Variants in OPA3 observed in about 807,000 individuals in gnomAD.
OPA3 encodes the protein optic atrophy 3 protein.
Under a neutral mutation model 4.0 loss-of-function variants are expected in OPA3, and 6 were observed. That is an observed-to-expected ratio of 1.51 (90% CI 0.83 to 2.99). The LOEUF is 2.99. Ranked by LOEUF, OPA3 falls within the 30% of genes most tolerant of loss-of-function variation. OPA3 has a pLI of 0.00. For synonymous variants in OPA3, 105 were observed against 117.1 expected (o/e 0.90, Z 0.67); for missense variants, 235 against 256.2 (o/e 0.92, Z 0.56).
chr19:45,555,594 C>T (rs1024680067), intron 1 of OPA3, among the ~76,000 whole-genome samples: 2 of 151,982 alleles, frequency 1.3e-5, no homozygotes, highest in Non-Finnish European at 2.9e-5. Flanking sequence ...GGGTTCACAC[C>T]ATTGTCCTGC....
chr19:45,559,393 CTTTCTT>C lies in OPA3; in HGVS notation c.143-5488_143-5483del, dbSNP rs1184421339. The stretch of plus-strand genomic sequence containing the variant: ...TTCTCTCTCTTCTTTCCCTCTTTTT[CTTTCTT>C]TTTTTTTTTTTTTTTTTTTTGAGAT... On this transcript the variant is annotated intron_variant, in intron 1 of 1. Transcript: ENST00000263275. Among the ~76,000 whole-genome samples the C allele has an allele frequency of 1.3e-3, 127 of 97,808 alleles. 1 individual carries two copies. Among genetic ancestry groups the C allele is most frequent in the African/African-American group, 4.9e-3 (117 of 24,084 alleles). 64.2% of individuals were successfully genotyped at this position (97,808 alleles called of 152,430 possible).
exon 2 of OPA3, chr19:45,528,349 GGAA>G (rs975364077): frequency 6.6e-6 from 1 of 152,480 alleles, no homozygotes; most frequent in African/African-American, 2.4e-5. Flanking sequence ...CGCCATAGGT[GGAA>G]GAAGAGGGGG....
At chr19:45,545,722 T>C (rs968357610), downstream of OPA3, among the ~76,000 whole-genome samples, 5 of 147,432 alleles carry the variant, frequency 3.4e-5, no homozygotes, top group Non-Finnish European at 7.5e-5. Flanking sequence ...TTTTTTTTTT[T>C]TTTTTTTTGA....
chr19:45,567,602 C>G (rs1332829357), intron 1 of OPA3, among the ~76,000 whole-genome samples: 1 of 151,894 alleles, frequency 6.6e-6, no homozygotes, highest in Non-Finnish European at 1.5e-5. Context: ...ATGCATGTAC[C>G]AATACTCATT....
intron 1 of OPA3, among the ~76,000 whole-genome samples, chr19:45,573,569 G>C (rs1969720426): frequency 1.3e-5 from 2 of 152,124 alleles, no homozygotes; most frequent in African/African-American, 4.8e-5. Context: ...CCAATTACAA[G>C]CATAAAACTG....
At chr19:45,570,579 T>C (rs1278856209) in intron 1 of OPA3, among the ~76,000 whole-genome samples, 1 of 151,970 alleles carries the variant, frequency 6.6e-6, no homozygotes, top group Non-Finnish European at 1.5e-5. Flanking sequence ...CCCAGCTACT[T>C]GGGAGGCTGA....
intron 1 of OPA3, among the ~76,000 whole-genome samples, chr19:45,572,699 T>C (rs1412981031): frequency 7.2e-6 from 1 of 139,620 alleles, no homozygotes; most frequent in Non-Finnish European, 1.5e-5. Context: ...TCATACTATA[T>C]ATATGATATA....
rs777706172 is a variant in OPA3, at chr19:45,529,209, C to T, written c.390G>A (p.Gly130=). The T allele has an allele frequency of 8.1e-6, 13 of 1,612,146 alleles. No homozygotes were observed. The South Asian group carries it at 1.2e-4, about 15-fold the overall frequency. ...GCGCCTGCAACTCCTCGAGCGCCAG[C>T]CCCAAGTGGCCCACCTCGCCCCGCA... is the stretch of plus-strand genomic sequence containing the variant. The change falls in exon 2 of 2, where the codon GGG becomes GGA. Residue 130 remains glycine, a synonymous_variant. Coordinates refer to the OPA3 transcript ENST00000323060.
At chr19:45,575,227 T>C (rs10410208) in intron 1 of OPA3, among the ~76,000 whole-genome samples, 126,471 of 151,950 alleles carry the variant, frequency 0.83, 52,863 homozygotes, top group African/African-American at 0.89. Context: ...CTCAGCCTCC[T>C]GAGAAGCTGG....
intron 1 of OPA3, among the ~76,000 whole-genome samples, chr19:45,531,860 T>G (rs1183265723): frequency 1.3e-5 from 2 of 152,208 alleles, no homozygotes; most frequent in Non-Finnish European, 2.9e-5. Flanking sequence ...TCTATCCAAA[T>G]CCCGTTTCTC....
chr19:45,549,779 T>C lies in OPA3; in HGVS notation c.*3735A>G, dbSNP rs750504205. On this transcript the variant is annotated 3_prime_UTR_variant, in exon 2 of 2. Coordinates refer to ENST00000263275, the MANE Select transcript of OPA3 (RefSeq NM_025136.4). ...ACAGGCGTGAGCTGGCCTGGGTCAC[T>C]CCCAGTTTTAAACACAGCCCACTCA... is the stretch of plus-strand genomic sequence containing the variant. The C allele has an allele frequency of 1.0e-6, 1 of 985,332 alleles. No individual in the cohort carries two copies. The highest frequency in any genetic ancestry group is 1.2e-6 in the Non-Finnish European group (1 of 829,984). 61.0% of individuals were successfully genotyped at this position (985,332 alleles called of 1,614,324 possible).
exon 2 of OPA3, chr19:45,529,415 C>G (rs140959406): frequency 1.2e-6 from 2 of 1,614,060 alleles, no homozygotes; most frequent in Non-Finnish European, 1.7e-6. Context: ...GCATTGAAAC[C>G]CATGATGCGC....
At chr19:45,572,566 T>C (rs1471827120) in intron 1 of OPA3, among the ~76,000 whole-genome samples, 1 of 136,660 alleles carries the variant, frequency 7.3e-6, no homozygotes, top group Non-Finnish European at 1.5e-5. Context: ...TATGGATATA[T>C]ATCATGATAT....
chr19:45,552,958 G>A lies in OPA3; in HGVS notation c.*556C>T. On this transcript the variant is annotated 3_prime_UTR_variant, in exon 2 of 2. Coordinates refer to ENST00000263275, the MANE Select transcript of OPA3 (RefSeq NM_025136.4). ...CCCAAGGTGCTAGGATTACAGGCGT[G>A]AGCCACCGCTCCCAGCCGCACCGTT... The A allele has an allele frequency of 2.0e-6, 2 of 989,570 alleles. No individual in the cohort carries two copies. Among genetic ancestry groups the A allele is most frequent in the African/African-American group, 1.7e-5 (1 of 57,372 alleles). 61.3% of individuals were successfully genotyped at this position (989,570 alleles called of 1,614,324 possible).
Position 45,551,873 on chromosome 19 carries a change from T to G in OPA3, c.*1641A>C. 6.1e-6 allele frequency: 6 copies of G among 985,664 alleles called. No individual in the cohort carries two copies. The highest frequency in any genetic ancestry group is 7.2e-6 in the Non-Finnish European group (6 of 830,100). 61.1% of individuals were successfully genotyped at this position (985,664 alleles called of 1,614,324 possible). A position where few individuals can be genotyped will look rare whatever the true frequency, so the allele number is the denominator to read the frequency against. On this transcript the variant is annotated 3_prime_UTR_variant, in exon 2 of 2. Coordinates refer to ENST00000263275, the MANE Select transcript of OPA3 (RefSeq NM_025136.4). ...GATGGAAGATGAAGGATGTGACAAT[T>G]GAATCCATGGGCTTGGATTCGACTG...
At chr19:45,568,721 G>A (rs377556332) in intron 1 of OPA3, among the ~76,000 whole-genome samples, 1 of 152,084 alleles carries the variant, frequency 6.6e-6, no homozygotes, top group Non-Finnish European at 1.5e-5. Context: ...AGGGATTCAG[G>A]AGGAGGTAAC....
At chr19:45,581,670 G>T (rs746874204) in intron 1 of OPA3, among the ~76,000 whole-genome samples, 6 of 152,258 alleles carry the variant, frequency 3.9e-5, no homozygotes, top group Non-Finnish European at 7.3e-5. Flanking sequence ...AATGGATGGA[G>T]GGATGAATGG....
chr19:45,542,665 G>GTTTTTTT (rs59474391), downstream of OPA3, among the ~76,000 whole-genome samples: 15 of 103,314 alleles, frequency 1.5e-4, no homozygotes, highest in African/African-American at 2.3e-4. Flanking sequence ...CTGTTTTTTT[G>GTTTTTTT]TTTTTTTTTT....
At position 45,552,086 on chromosome 19, in the gene OPA3, T is replaced by C. The variant is rs1043854992; in HGVS notation, c.*1428A>G. The stretch of plus-strand genomic sequence containing the variant: ...GGTTGGAGGACATTCACAGAAAAGA[T>C]CCTGTAGTGCCATTCCAGTGGGTTG... On this transcript the variant is annotated 3_prime_UTR_variant, in exon 2 of 2. Transcript: ENST00000263275. 11 of 985,282 alleles carry C rather than the reference T, an allele frequency of 1.1e-5. No individual in the cohort carries two copies. In the African/African-American group the frequency reaches 1.9e-4, roughly 17 times the overall value. 61.0% of individuals were successfully genotyped at this position (985,282 alleles called of 1,614,324 possible).
Sources: allele counts gnomAD v4.1 joint callset (sites outside exome capture counted in the v4.1 genomes callset), GRCh38; gene constraint gnomAD v4.1.1; transcripts MANE v1.5; gene names NCBI Gene and HGNC (gene_info 2026-07-23, HGNC 2026-07-21).